Variants in PLA2G4C observed in about 807,000 individuals in gnomAD.
The protein encoded by PLA2G4C is phospholipase A2 group IVC, also known as cytosolic phospholipase A2 gamma.
In PLA2G4C, 64 loss-of-function variants were observed where a neutral mutation model predicts 73.8. That is an observed-to-expected ratio of 0.87 (90% CI 0.71 to 1.07). The LOEUF (loss-of-function observed/expected upper bound fraction) is 1.07, where lower values mean the gene tolerates loss of function less well. Ranked by LOEUF, PLA2G4C falls within the 50% of genes least tolerant of loss-of-function variation. PLA2G4C has a pLI of 0.00. For missense variants in PLA2G4C, 622 were observed against 665.4 expected (o/e 0.93, Z 0.72); for synonymous variants, 254 against 252.1 (o/e 1.01, Z -0.07).
intron 13 of PLA2G4C, among the ~76,000 whole-genome samples, chr19:48,065,590 A>AAAAT (rs907113389): frequency 1.1e-4 from 17 of 151,874 alleles, no homozygotes; most frequent in Non-Finnish European, 1.6e-4. Flanking sequence ...ACTCCATCGC[A>AAAAT]AAATAAATAA....
At chr19:48,091,046 C>T (rs961199372) in intron 7 of PLA2G4C, among the ~76,000 whole-genome samples, 4 of 152,018 alleles carry the variant, frequency 2.6e-5, no homozygotes, top group Middle Eastern at 3.4e-3. Flanking sequence ...TGGATGCAGC[C>T]GCCATCCCGT....
chr19:48,066,958 G>GACACACACACAC (rs200703260), intron 13 of PLA2G4C, among the ~76,000 whole-genome samples: 192 of 143,944 alleles, frequency 1.3e-3, no homozygotes, highest in African/African-American at 4.8e-3. Context: ...AACAGAGCAA[G>GACACACACACAC]ACACACACAC....
intron 6 of PLA2G4C, among the ~76,000 whole-genome samples, chr19:48,096,223 AGGAC>A (rs1452679604): frequency 6.6e-6 from 1 of 152,148 alleles, no homozygotes; most frequent in East Asian, 1.9e-4. Flanking sequence ...GCTTATGGAA[AGGAC>A]GGAGTCAGCT....
chr19:48,078,146 G>A (rs2030294536), intron 10 of PLA2G4C, among the ~76,000 whole-genome samples: 1 of 152,106 alleles, frequency 6.6e-6, no homozygotes, highest in Non-Finnish European at 1.5e-5. Flanking sequence ...AGATGCAGAA[G>A]CATTTCACAA....
intron 1 of PLA2G4C, among the ~76,000 whole-genome samples, chr19:48,108,375 A>G (rs1418142595): frequency 6.6e-6 from 1 of 152,096 alleles, no homozygotes; most frequent in African/African-American, 2.4e-5. Context: ...GGCTCATGCA[A>G]TCCTCCTGCC....
intron 7 of PLA2G4C, among the ~76,000 whole-genome samples, chr19:48,093,550 G>A (rs970890664): frequency 7.2e-5 from 11 of 151,994 alleles, no homozygotes; most frequent in African/African-American, 2.4e-4. Context: ...CTCTCCTATC[G>A]CACTTGGAAT....
Position 48,062,049 on chromosome 19 carries a change from C to T in PLA2G4C, c.1206G>A (p.Arg402=), listed in dbSNP as rs1325202930. The T allele has an allele frequency of 1.2e-6, 2 of 1,613,776 alleles. No homozygotes were observed. The highest frequency in any genetic ancestry group is 2.2e-5 in the East Asian group (1 of 44,864). The change falls in exon 14 of 17, where the codon CGG becomes CGA. Residue 402 remains arginine, a synonymous_variant. Coordinates refer to ENST00000599921, the MANE Select transcript of PLA2G4C (RefSeq NM_003706.3). ...CGAAGGAGAGGATGAGGTGAACCTCCCGCGTCGGGGGCAGCACGAGTGGGA... is the reference window on the plus strand; with the variant it reads ...CGAAGGAGAGGATGAGGTGAACCTCTCGCGTCGGGGGCAGCACGAGTGGGA... The part of the protein sequence containing the change: ...TPFPLVLPPT[R]EVHLILSFDF...
Position 48,067,871 on chromosome 19 carries a change from A to G in PLA2G4C, c.1022T>C (p.Leu341Ser). Reference sequence around the variant, plus strand: ...GCCTGTTTTCTTCACAAAATCCATCAAGTTACTGAGTGAGCCTAGGGAAAG... The same window carrying G: ...GCCTGTTTTCTTCACAAAATCCATCGAGTTACTGAGTGAGCCTAGGGAAAG... ...DPERKGSLSNLMDFVKKTGIC... is the reference protein window; with the variant it reads ...DPERKGSLSNSMDFVKKTGIC... Residue 341 changes from leucine (L) to serine (S), a missense_variant, in exon 13 of 17, where the codon TTG becomes TCG. Physicochemically the swap from Leu to Ser is moderately radical, Grantham distance 145. Transcript: ENST00000599921. The G allele has an allele frequency of 6.2e-7, 1 of 1,613,232 alleles. No individual in the cohort carries two copies. The highest frequency in any genetic ancestry group is 1.1e-5 in the South Asian group (1 of 91,062).
intron 9 of PLA2G4C, among the ~76,000 whole-genome samples, chr19:48,085,787 G>A (rs917010049): frequency 6.6e-6 from 1 of 152,186 alleles, no homozygotes; most frequent in African/African-American, 2.4e-5. Flanking sequence ...CTGTTTGCAG[G>A]ACACACGCCC....
chr19:48,082,496 C>CTTTTTTTTTTTTTT (rs66641645), intron 10 of PLA2G4C, among the ~76,000 whole-genome samples: 61 of 106,272 alleles, frequency 5.7e-4, no homozygotes, highest in Non-Finnish European at 7.8e-4. Flanking sequence ...TTCTTTCTTT[C>CTTTTTTTTTTTTTT]TTTTTTTTTT....
chr19:48,056,832 C>CAA lies in PLA2G4C; in HGVS notation c.1258-1785_1258-1784dup, dbSNP rs34317694. Among the ~76,000 whole-genome samples, 683 of 83,126 alleles carry CAA rather than the reference C, an allele frequency of 8.2e-3. 19 individuals carry two copies. The highest frequency in any genetic ancestry group is 0.038 in the Middle Eastern group (5 of 130). 54.5% of individuals were successfully genotyped at this position (83,126 alleles called of 152,430 possible). A position where few individuals can be genotyped will look rare whatever the true frequency, so the allele number is the denominator to read the frequency against. ...GGGCAACAAGAACGAGACTCTGTCT[C>CAA]AAAAAAAAAAAAAAAAAAAAAGATA... On this transcript the variant is annotated intron_variant, in intron 14 of 16. Transcript: ENST00000599921.
intron 13 of PLA2G4C, among the ~76,000 whole-genome samples, chr19:48,063,315 T>C (rs1260421992): frequency 6.6e-6 from 1 of 152,144 alleles, no homozygotes; most frequent in African/African-American, 2.4e-5. Flanking sequence ...GTGCTGGCAT[T>C]ACAGGCGTGA....
chr19:48,065,513 G>A (rs1968381096), intron 13 of PLA2G4C, among the ~76,000 whole-genome samples: 1 of 151,918 alleles, frequency 6.6e-6, no homozygotes, highest in Non-Finnish European at 1.5e-5. Context: ...CTACTCAGGA[G>A]GCTGAGGTGG....
At chr19:48,054,212 CAA>C (rs1967839366) in intron 15 of PLA2G4C, among the ~76,000 whole-genome samples, 1 of 152,122 alleles carries the variant, frequency 6.6e-6, no homozygotes, top group South Asian at 2.1e-4. Context: ...CCATAATCCC[CAA>C]GTGTCGTGGG....
At chr19:48,053,931 G>A (rs891014) in intron 15 of PLA2G4C, among the ~76,000 whole-genome samples, 93,374 of 151,874 alleles carry the variant, frequency 0.61, 30,140 homozygotes, top group East Asian at 0.9. Context: ...GACTGGATGA[G>A]GAATGTGGGA....
At position 48,052,642 on chromosome 19, in the gene PLA2G4C, G is replaced by A. The variant is rs529695098; in HGVS notation, c.1580+355C>T. ...CGGACCAATATACACGGAGACAAGC[G>A]TGGAACAAATTCTCCCTCACAGATC... On this transcript the variant is annotated intron_variant, in intron 16 of 16. Coordinates refer to ENST00000599921, the MANE Select transcript of PLA2G4C (RefSeq NM_003706.3). Among the ~76,000 whole-genome samples, 14 of 152,260 alleles carry A rather than the reference G, an allele frequency of 9.2e-5. 1 individual carries two copies. The highest frequency in any genetic ancestry group is 2.0e-4 in the Admixed American group (3 of 15,280).
chr19:48,105,984 TTCTTTCTTTC>T (rs1480534740), intron 2 of PLA2G4C, among the ~76,000 whole-genome samples: 1 of 117,556 alleles, frequency 8.5e-6, no homozygotes, highest in Non-Finnish European at 1.7e-5. Context: ...CTTTCTTTCT[TTCTTTCTTTC>T]TCTTTCTCTC....
intron 15 of PLA2G4C, 21 bp from the exon 16 acceptor site, chr19:48,053,168 C>A: frequency 6.5e-7 from 1 of 1,537,774 alleles, no homozygotes; most frequent in Non-Finnish European, 8.9e-7. Context: ...ACCAAACCAA[C>A]AAAGAAAAGG....
intron 13 of PLA2G4C, among the ~76,000 whole-genome samples, chr19:48,067,541 A>T (rs1374780644): frequency 1.3e-5 from 2 of 152,064 alleles, no homozygotes; most frequent in Non-Finnish European, 2.9e-5. Context: ...TTTTTGCAAA[A>T]CCAGAGAAAG....
Sources: gnomAD v4.1 joint callset for allele counts (sites outside exome capture counted in the v4.1 genomes callset) on GRCh38, gnomAD v4.1.1 for gene constraint, MANE v1.5 for transcripts, NCBI Gene and HGNC (gene_info 2026-07-23, HGNC 2026-07-21) for gene names.